Variants in LAMA2 observed in about 807,000 individuals in gnomAD.
LAMA2 encodes the protein laminin subunit alpha-2.
LAMA2 carries 269 observed loss-of-function variants against 364.8 expected under a neutral mutation model. That is an observed-to-expected ratio of 0.74 (90% CI 0.67 to 0.82). LAMA2 has a LOEUF of 0.82. Ranked by LOEUF, LAMA2 falls within the 40% of genes least tolerant of loss-of-function variation. LAMA2 has a pLI of 0.00. For synonymous variants in LAMA2, 1,379 were observed against 1,370.6 expected (o/e 1.01, Z -0.14); for missense variants, 3,807 against 3,873.2 (o/e 0.98, Z 0.45).
At chr6:129,232,624 T>C (rs564954601) in intron 12 of LAMA2, among the ~76,000 whole-genome samples, 3 of 152,144 alleles carry the variant, frequency 2.0e-5, no homozygotes, top group African/African-American at 4.8e-5. Flanking sequence ...TTTCTTTATA[T>C]TGACTGATTT....
At chr6:129,257,425 G>A (rs1256794858) in intron 14 of LAMA2, among the ~76,000 whole-genome samples, 1 of 152,052 alleles carries the variant, frequency 6.6e-6, no homozygotes, top group Admixed American at 6.6e-5. Context: ...TTGTTCAAAA[G>A]ACAAATGAAA....
rs145099763 is a variant in LAMA2 at position 129,218,743 on chromosome 6, A to C, written c.1782+25890A>C. Among the ~76,000 whole-genome samples, 541 of 152,336 alleles carry C rather than the reference A, an allele frequency of 3.6e-3. 4 individuals carry two copies. Among genetic ancestry groups the C allele is most frequent in the Middle Eastern group, 6.8e-3 (2 of 294 alleles). ...AGAGAACAGCTGAAATTGTGCTTCT[A>C]AAACATTTCAGTGTTGTTCATTTTC... is the stretch of plus-strand genomic sequence containing the variant. On this transcript the variant is annotated intron_variant, in intron 12 of 64. Coordinates refer to ENST00000421865, the MANE Select transcript of LAMA2 (RefSeq NM_000426.4).
chr6:128,966,383 T>C (rs1234104714), intron 1 of LAMA2, among the ~76,000 whole-genome samples: 1 of 152,134 alleles, frequency 6.6e-6, no homozygotes, highest in Non-Finnish European at 1.5e-5. Flanking sequence ...ACAAATTTCT[T>C]TCTGTAATTT....
chr6:128,960,449 C>T (rs1465513746), intron 1 of LAMA2, among the ~76,000 whole-genome samples: 5 of 151,114 alleles, frequency 3.3e-5, no homozygotes, highest in Non-Finnish European at 5.9e-5. Context: ...AGCGATTCTC[C>T]GGCCTTGGCC....
chr6:129,336,662 G>T (rs1001911657), intron 29 of LAMA2, among the ~76,000 whole-genome samples: 3 of 152,168 alleles, frequency 2.0e-5, no homozygotes, highest in African/African-American at 4.8e-5. Flanking sequence ...TCAAATGCTG[G>T]TTTGTTTAAA....
rs59543848 is a variant in LAMA2, at chr6:129,066,038, G to GTATGTCTTTTTTTT, written c.396+6143_396+6144insATGTCTTTTTTTTT. Reference sequence around the variant, plus strand: ...TCTTTTGTAAATTGCCCAGTCTCAGGTTTTTTTTTTTTTTTTTTTTTTTTT... The same window carrying GTATGTCTTTTTTTT: ...TCTTTTGTAAATTGCCCAGTCTCAGGTATGTCTTTTTTTTTTTTTTTTTTTTTTTTTTTTTTTTT... On this transcript the variant is annotated intron_variant, in intron 3 of 64. Transcript: ENST00000421865. Among the ~76,000 whole-genome samples the GTATGTCTTTTTTTT allele has an allele frequency of 7.0e-4, 26 of 37,114 alleles. 6 individuals carry two copies. Among genetic ancestry groups the GTATGTCTTTTTTTT allele is most frequent in the Admixed American group, 1.6e-3 (4 of 2,446 alleles). The allele number at this position is 37,114 out of a possible 152,430, so 24.3% of individuals were successfully genotyped here. A position where few individuals can be genotyped will look rare whatever the true frequency, so the allele number is the denominator to read the frequency against.
intron 40 of LAMA2, among the ~76,000 whole-genome samples, chr6:129,410,873 C>CT (rs1445388699): frequency 6.6e-6 from 1 of 152,284 alleles, no homozygotes; most frequent in East Asian, 1.9e-4. Context: ...ATATAGTTCA[C>CT]TTTGAGTCCA....
Position 129,486,469 on chromosome 6 carries a change from T to C in LAMA2, c.7750-5T>C. The C allele has an allele frequency of 3.1e-6, 5 of 1,613,342 alleles. No homozygotes were observed. The highest frequency in any genetic ancestry group is 4.2e-6 in the Non-Finnish European group (5 of 1,179,362). On this transcript the variant is annotated splice_polypyrimidine_tract_variant and splice_region_variant and intron_variant, in intron 55 of 64. Coordinates refer to ENST00000421865, the MANE Select transcript of LAMA2 (RefSeq NM_000426.4). ...TTAATCTTCAATAACCACTTGCTGTTGCAGGCCTATTATGCAATACTCCTC... is the reference window on the plus strand; with the variant it reads ...TTAATCTTCAATAACCACTTGCTGTCGCAGGCCTATTATGCAATACTCCTC...
chr6:129,366,475 A>C, intron 33 of LAMA2, 114 bp downstream of exon 33: 1 of 1,136,054 alleles, frequency 8.8e-7, no homozygotes, highest in Non-Finnish European at 1.3e-6. Flanking sequence ...AAGGGACACA[A>C]CTGTTAGGGA....
intron 49 of LAMA2, among the ~76,000 whole-genome samples, chr6:129,461,521 G>A (rs1583807497): frequency 1.3e-5 from 2 of 152,026 alleles, no homozygotes; most frequent in Admixed American, 6.6e-5. Context: ...ATGAAAGACA[G>A]TGAAGCCCAC....
chr6:129,185,463 C>T (rs1316713337), intron 10 of LAMA2, among the ~76,000 whole-genome samples: 1 of 151,712 alleles, frequency 6.6e-6, no homozygotes, highest in East Asian at 1.9e-4. Context: ...TTTTTTGTAG[C>T]GTAGGCCACA....
In LAMA2 at chr6:129,366,371, T is replaced by C; in HGVS notation, c.4860+10T>C. 6.2e-7 allele frequency: 1 copy of C among 1,613,278 alleles called. No homozygotes were observed. The highest frequency in any genetic ancestry group is 8.5e-7 in the Non-Finnish European group (1 of 1,179,888). The stretch of plus-strand genomic sequence containing the variant: ...GACTCAGGAGCTAAAGGTAGGTTGG[T>C]GCAGTCACAAGCAAGGGCCAGGGAC... On this transcript the variant is annotated intron_variant, in intron 33 of 64. Transcript: ENST00000421865.
intron 12 of LAMA2, among the ~76,000 whole-genome samples, chr6:129,202,609 C>G: frequency 6.6e-6 from 1 of 152,100 alleles, no homozygotes; most frequent in East Asian, 1.9e-4. Flanking sequence ...CTACCTAGTC[C>G]CTGTTATTTT....
intron 12 of LAMA2, among the ~76,000 whole-genome samples, chr6:129,200,331 C>CATGTGT (rs1329039729): frequency 7.1e-6 from 1 of 141,382 alleles, no homozygotes; most frequent in Non-Finnish European, 1.6e-5. Flanking sequence ...TACACATATA[C>CATGTGT]ATATACACGT....
At chr6:129,510,530 A>G (rs1786488433) in intron 62 of LAMA2, among the ~76,000 whole-genome samples, 1 of 152,164 alleles carries the variant, frequency 6.6e-6, no homozygotes, top group African/African-American at 2.4e-5. Flanking sequence ...ATAAACTAAT[A>G]AGCACATAAT....
intron 40 of LAMA2, among the ~76,000 whole-genome samples, chr6:129,419,933 A>G (rs1188931343): frequency 6.6e-6 from 1 of 152,166 alleles, no homozygotes; most frequent in African/African-American, 2.4e-5. Context: ...ACAGTACTAT[A>G]TAAAGCACCT....
At chr6:129,285,163 G>T (rs1789013402) in intron 18 of LAMA2, among the ~76,000 whole-genome samples, 2 of 152,144 alleles carry the variant, frequency 1.3e-5, no homozygotes, top group South Asian at 4.1e-4. Flanking sequence ...TATATGATTA[G>T]CAGTATTATA....
intron 10 of LAMA2, among the ~76,000 whole-genome samples, chr6:129,178,092 T>C (rs1043527025): frequency 6.6e-6 from 1 of 152,214 alleles, no homozygotes; most frequent in Non-Finnish European, 1.5e-5. Context: ...AAAGGCTTGT[T>C]ATTTTATAAC....
chr6:129,309,994 G>C (rs565235282), intron 22 of LAMA2, among the ~76,000 whole-genome samples: 23 of 149,046 alleles, frequency 1.5e-4, no homozygotes, highest in African/African-American at 5.7e-4. Context: ...CCGCCTCCCG[G>C]GTTCACGCCA....
Sources: gnomAD v4.1 joint callset for allele counts (sites outside exome capture counted in the v4.1 genomes callset) on GRCh38, gnomAD v4.1.1 for gene constraint, MANE v1.5 for transcripts, NCBI Gene and HGNC (gene_info 2026-07-23, HGNC 2026-07-21) for gene names.